Variants in YJU2B observed in about 807,000 individuals in gnomAD.
YJU2B encodes the protein YJU2 splicing factor homolog B, also known as probable splicing factor YJU2B.
YJU2B carries 18 observed loss-of-function variants against 38.0 expected under a neutral mutation model. The ratio of observed to expected loss-of-function variants is 0.47; its 90% CI spans 0.33 to 0.70. The LOEUF is 0.70. YJU2B is among the 30% of genes least tolerant of loss of function. YJU2B has a pLI of 0.02. For missense variants in YJU2B, 538 were observed against 556.3 expected, an observed-to-expected ratio of 0.97 and a Z score of 0.33; for synonymous variants, 246 against 225.4, an observed-to-expected ratio of 1.09 and a Z score of -0.82.
rs1489922366 is a variant in YJU2B at position 13,762,268 on chromosome 19, C to G, written c.574-31C>G. ...AGAAGAGACAGGGCTTTGACACCCC[C>G]TATCTCTGGTGTTCTTGGCCCTCAA... On this transcript the variant is annotated intron_variant, in intron 8 of 9. Coordinates refer to ENST00000221554, the MANE Select transcript of YJU2B (RefSeq NM_030818.4). The G allele has an allele frequency of 3.1e-6, 5 of 1,610,076 alleles. No homozygotes were observed. In the African/African-American group the frequency reaches 5.4e-5, roughly 17 times the overall value.
In YJU2B at chr19:13,753,282, C is replaced by T. The variant is rs57986931; in HGVS notation, c.4-1007C>T. Among the ~76,000 whole-genome samples the T allele has an allele frequency of 9.0e-3, 1,369 of 152,258 alleles. 21 individuals carry two copies. The highest frequency in any genetic ancestry group is 0.031 in the African/African-American group (1,293 of 41,550). ...TCCAGTCTCACGCTGCTCATAAAGA[C>T]ATACCCAAGGGCTGGGCGCGGTGGC... is the stretch of plus-strand genomic sequence containing the variant. On this transcript the variant is annotated intron_variant, in intron 2 of 9. Transcript: ENST00000221554.
At position 13,762,571 on chromosome 19, in the gene YJU2B, G is replaced by GTCCTC. The variant is rs753873963; in HGVS notation, c.713-7_713-3dup. The GTCCTC allele has an allele frequency of 2.0e-5, 31 of 1,531,752 alleles. No homozygotes were observed. Among genetic ancestry groups the GTCCTC allele is most frequent in the Non-Finnish European group, 2.5e-5 (29 of 1,146,466 alleles). 94.9% of individuals were successfully genotyped at this position (1,531,752 alleles called of 1,614,324 possible). A position where few individuals can be genotyped will look rare whatever the true frequency, so the allele number is the denominator to read the frequency against. ...CCCCCTCCCCTGCCGCCCCTGAAAT[G>GTCCTC]TCCTCTCCTCTCCTCTAGCCTACGA... On this transcript the variant is annotated intron_variant, in intron 9 of 9. Coordinates refer to ENST00000221554, the MANE Select transcript of YJU2B (RefSeq NM_030818.4).
At chr19:13,753,574 C>CAAAAAAA (rs34397712) in intron 2 of YJU2B, among the ~76,000 whole-genome samples, 31 of 71,872 alleles carry the variant, frequency 4.3e-4, no homozygotes, top group African/African-American at 1.8e-3. Flanking sequence ...AACTCTGTCT[C>CAAAAAAA]AAAAAAAAAA....
At chr19:13,757,927 G>A in intron 6 of YJU2B, 81 bp downstream of exon 6, 1 of 1,253,798 alleles carries the variant, frequency 8.0e-7, no homozygotes, top group Admixed American at 1.7e-5. Context: ...GAGTTGCGGG[G>A]GGAACCCATT....
upstream of YJU2B, among the ~76,000 whole-genome samples, chr19:13,746,589 T>G (rs1485561432): frequency 6.6e-6 from 1 of 151,198 alleles, no homozygotes; most frequent in African/African-American, 2.4e-5. Context: ...TGCAGGGGAG[T>G]CCCACAAAAT....
intron 1 of YJU2B, among the ~76,000 whole-genome samples, chr19:13,748,545 C>G (rs1330903260): frequency 6.6e-6 from 1 of 152,204 alleles, no homozygotes; most frequent in East Asian, 1.9e-4. Context: ...CTGCCATTTA[C>G]TGGGGTAACA....
At chr19:13,754,972 A>G (rs1476342054) in intron 3 of YJU2B, among the ~76,000 whole-genome samples, 1 of 152,064 alleles carries the variant, frequency 6.6e-6, no homozygotes, top group Non-Finnish European at 1.5e-5. Flanking sequence ...TAGCCTCTCT[A>G]TGCCAAAGTT....
intron 2 of YJU2B, among the ~76,000 whole-genome samples, chr19:13,736,167 C>G (rs1225215145): frequency 1.3e-5 from 2 of 151,514 alleles, no homozygotes; most frequent in African/African-American, 4.9e-5. Context: ...ATCATTAGTT[C>G]TTCTGACCTG....
chr19:13,753,822 C>T lies in YJU2B; in HGVS notation c.4-467C>T, dbSNP rs1161604483. Among the ~76,000 whole-genome samples, 3 of 152,166 alleles carry T rather than the reference C, an allele frequency of 2.0e-5. No individual in the cohort carries two copies. In the East Asian group the frequency reaches 5.8e-4, roughly 29 times the overall value. ...GCTGTCATGAGAACAGCATGATTCGCCCCCATGATTCGATTCAGTTACCTC... is the reference window on the plus strand; with the variant it reads ...GCTGTCATGAGAACAGCATGATTCGTCCCCATGATTCGATTCAGTTACCTC... On this transcript the variant is annotated intron_variant, in intron 2 of 9. Transcript: ENST00000221554.
chr19:13,754,185 TA>T, intron 2 of YJU2B, 103 bp from the exon 3 acceptor site: 1 of 868,584 alleles, frequency 1.2e-6, no homozygotes, highest in Non-Finnish European at 1.9e-6. Context: ...AAATTAATAG[TA>T]AAATAAAAAA....
In YJU2B at chr19:13,757,768, C is replaced by A. The variant is rs181701643; in HGVS notation, c.197-18C>A. On this transcript the variant is annotated intron_variant, in intron 5 of 9. Coordinates refer to ENST00000221554, the MANE Select transcript of YJU2B (RefSeq NM_030818.4). Reference sequence around the variant, plus strand: ...CAGATGGCAATGAAATTACCACCCCCGCCTGACCCCCTTCCAGGTGTTCGT... The same window carrying A: ...CAGATGGCAATGAAATTACCACCCCAGCCTGACCCCCTTCCAGGTGTTCGT... 207 of 1,613,520 alleles carry A rather than the reference C, an allele frequency of 1.3e-4. No homozygotes were observed. Among genetic ancestry groups the A allele is most frequent in the Non-Finnish European group, 1.6e-4 (192 of 1,179,626 alleles).
chr19:13,754,349 AGG>A lies in YJU2B; in HGVS notation c.57+8_57+9del. The A allele has an allele frequency of 6.2e-7, 1 of 1,611,866 alleles. No individual in the cohort carries two copies. The highest frequency in any genetic ancestry group is 8.5e-7 in the Non-Finnish European group (1 of 1,177,966). ...AGACTTCAACCCTGAGAAGGTAAGC[AGG>A]CTCTCCGCTCCAGGTCCACAGTAGC... On this transcript the variant is annotated splice_region_variant and intron_variant, in intron 3 of 9. Transcript: ENST00000221554.
upstream of YJU2B, chr19:13,747,876 G>C (rs1055888566): frequency 3.9e-5 from 6 of 152,336 alleles, no homozygotes; most frequent in African/African-American, 1.2e-4. Flanking sequence ...CTGGGGGCGC[G>C]GAGAGGGCGC....
intron 1 of YJU2B, among the ~76,000 whole-genome samples, 183 bp from the exon 2 acceptor site, chr19:13,751,425 A>G (rs1173208159): frequency 6.6e-6 from 1 of 152,100 alleles, no homozygotes. Flanking sequence ...AAAAACAAAA[A>G]GATCCCCTGG....
upstream of YJU2B, among the ~76,000 whole-genome samples, chr19:13,744,967 CA>C (rs777533377): frequency 4.8e-4 from 73 of 150,546 alleles, no homozygotes; most frequent in Non-Finnish European, 8.3e-4. Context: ...CACTCCAGCC[CA>C]GGCAACAGAG....
intron 2 of YJU2B, among the ~76,000 whole-genome samples, chr19:13,753,908 C>T (rs1973566698): frequency 6.6e-6 from 1 of 151,954 alleles, no homozygotes; most frequent in Admixed American, 6.6e-5. Context: ...GATGAGATTT[C>T]GCCTGTAATC....
intron 6 of YJU2B, 126 bp from the exon 7 acceptor site, chr19:13,758,742 C>A: frequency 2.6e-6 from 3 of 1,165,594 alleles, no homozygotes; most frequent in Non-Finnish European, 3.7e-6. Context: ...CTACACGGCA[C>A]ACAGTGGGTG....
chr19:13,757,429 C>T lies in YJU2B; in HGVS notation c.152C>T (p.Pro51Leu). ...QGILIIRFEM[P>L]YNIWCDGCKN... ...GTCTGTCTTTGCAGATTCGAAATGC[C>T]ATATAACATCTGGTGCGATGGCTGC... is the stretch of plus-strand genomic sequence containing the variant. Residue 51 changes from proline (P) to leucine (L), a missense_variant, in exon 5 of 10, where the codon CCA becomes CTA. Pro to Leu is a moderately conservative substitution (Grantham distance 98). Around this residue, in one of 2 missense-constraint regions of YJU2B, gnomAD observed 50 missense variants for 86.9 expected, o/e 0.58. Transcript: ENST00000221554. The T allele has an allele frequency of 6.2e-7, 1 of 1,613,846 alleles. No individual in the cohort carries two copies. The highest frequency in any genetic ancestry group is 1.3e-5 in the African/African-American group (1 of 75,016).
Position 13,763,183 on chromosome 19 carries a change from G to A in YJU2B, c.*115G>A, listed in dbSNP as rs1973989979. On this transcript the variant is annotated 3_prime_UTR_variant, in exon 10 of 10. Transcript: ENST00000221554. ...CCAGCCCTGGGAGAGCTCAGATGCCGCATCCTCCCCAGACCGCGCCTTCCT... is the reference window on the plus strand; with the variant it reads ...CCAGCCCTGGGAGAGCTCAGATGCCACATCCTCCCCAGACCGCGCCTTCCT... The A allele has an allele frequency of 2.5e-6, 2 of 812,870 alleles. No individual in the cohort carries two copies. Among genetic ancestry groups the A allele is most frequent in the South Asian group, 1.9e-5 (1 of 53,860 alleles). 50.4% of individuals were successfully genotyped at this position (812,870 alleles called of 1,614,324 possible).
Sources: gnomAD v4.1 joint callset for allele counts (sites outside exome capture counted in the v4.1 genomes callset) on GRCh38, gnomAD v4.1.1 for gene constraint, gnomAD v4.1.1 regional missense constraint, MANE v1.5 for transcripts, NCBI Gene and HGNC (gene_info 2026-07-23, HGNC 2026-07-21) for gene names.